The following TACC2 variants were observed in gnomAD, a reference collection of about 807,000 sequenced individuals.
TACC2 encodes transforming acidic coiled-coil containing protein 2.
Under a neutral mutation model 227.3 loss-of-function variants are expected in TACC2, and 137 were observed. The observed-to-expected ratio is 0.60, with a 90% CI of 0.52 to 0.69. The LOEUF (loss-of-function observed/expected upper bound fraction) is 0.69, where lower values mean the gene tolerates loss of function less well. TACC2 is among the 30% of genes least tolerant of loss of function. TACC2 has a pLI of 0.00. For synonymous variants in TACC2, 1,523 were observed against 1,487.5 expected (o/e 1.02, Z -0.55); for missense variants, 3,470 against 3,694.4 (o/e 0.94, Z 1.57).
At position 122,141,307 on chromosome 10, in the gene TACC2, C is replaced by T. The variant is rs1394945413; in HGVS notation, c.5700-2265C>T. Among the ~76,000 whole-genome samples, 1 of 152,146 alleles carries T rather than the reference C, an allele frequency of 6.6e-6. No individual in the cohort carries two copies. The highest frequency in any genetic ancestry group is 2.4e-5 in the African/African-American group (1 of 41,408). ...CCTCGTGGGAGCCTGACCTCCTCGG[C>T]CCCTGGGTATGAGCCAACAGGCGGT... On this transcript the variant is annotated intron_variant, in intron 6 of 22. Transcript: ENST00000369005. This position sits in a 1 kb window ranked among gnomAD's most constrained non-coding sequence, Gnocchi z 4.3.
At chr10:122,047,187 G>A (rs563455626) in intron 2 of TACC2, among the ~76,000 whole-genome samples, 22 of 148,494 alleles carry the variant, frequency 1.5e-4, no homozygotes, top group African/African-American at 5.4e-4. Flanking sequence ...TACTTAGGAG[G>A]CTGAGGCAGG....
In TACC2 at chr10:122,211,176, G is replaced by C. The variant is rs114482287; in HGVS notation, c.6751G>C (p.Gly2251Arg). 1.6e-4 allele frequency: 253 copies of C among 1,612,362 alleles called. 1 individual carries two copies. The African/African-American group carries it at 3.1e-3, about 20-fold the overall frequency. Residue 2251 changes from glycine to arginine, a missense_variant, in exon 9 of 23, where the codon GGG becomes CGG. Coordinates refer to ENST00000369005, the MANE Select transcript of TACC2 (RefSeq NM_206862.4). ...EAGEVTPSDS[G>R]GQEDSPAKGL... ...AGGGGAGGTAACCCCATCGGATAGC[G>C]GGGGGCAAGAGGACTCTCCAGCCAA...
intron 1 of TACC2, among the ~76,000 whole-genome samples, chr10:122,021,622 C>A (rs1391922611): frequency 2.6e-5 from 4 of 152,072 alleles, no homozygotes; most frequent in Non-Finnish European, 5.9e-5. Context: ...GGCAAACGGA[C>A]CCCTTTTGTC....
At position 122,083,338 on chromosome 10, in the gene TACC2, G is replaced by T. The variant is rs1172409444; in HGVS notation, c.838G>T (p.Asp280Tyr). ...AAAACCCATGGCCCCGATCCCACAA[G>T]ATCCAGCCCCAAGAGCCTCAGACAG... The part of the protein sequence containing the change: ...PLKPMAPIPQ[D>Y]PAPRASDRER... The change falls in exon 4 of 23, where the codon GAT (aspartate) becomes TAT (tyrosine). Residue 280 changes from aspartate to tyrosine, a missense_variant. This residue lies in a region of TACC2 where 405 missense variants were observed against 389.6 expected (regional missense o/e 1.04). Transcript: ENST00000369005. 1 of 1,614,020 alleles carries T rather than the reference G, an allele frequency of 6.2e-7. No homozygotes were observed. Among genetic ancestry groups the T allele is most frequent in the East Asian group, 2.2e-5 (1 of 44,866 alleles).
intron 5 of TACC2, among the ~76,000 whole-genome samples, chr10:122,092,780 G>A (rs1381799622): frequency 6.6e-6 from 1 of 152,186 alleles, no homozygotes; most frequent in African/African-American, 2.4e-5. Context: ...AACTCACAAT[G>A]CATAGAAATG....
intron 19 of TACC2, among the ~76,000 whole-genome samples, chr10:122,242,503 C>G (rs2096018679): frequency 6.6e-6 from 1 of 152,212 alleles, no homozygotes; most frequent in South Asian, 2.1e-4. Flanking sequence ...GACCCCAGCA[C>G]TGTTTCTCAC....
rs1046167542 is a variant in TACC2, at chr10:122,086,197, C to T, written c.3697C>T (p.Pro1233Ser). Residue 1233 changes from proline to serine, a missense_variant, in exon 4 of 23, where the codon CCT becomes TCT. Pro to Ser is a moderately conservative substitution (Grantham distance 74, BLOSUM62 -1). Coordinates refer to ENST00000369005, the MANE Select transcript of TACC2 (RefSeq NM_206862.4). ...GTCTGGGCCACCAGAAGTGGCTGCT[C>T]CTGACACCCCTTACCTGCATGTCGA... ...LLSGPPEVAA[P>S]DTPYLHVDSA... is the part of the protein sequence containing the mutation. 2.4e-5 allele frequency: 38 copies of T among 1,613,562 alleles called. No homozygotes were observed. The highest frequency in any genetic ancestry group is 3.1e-5 in the Non-Finnish European group (37 of 1,179,990).
chr10:122,078,328 A>G lies in TACC2; in HGVS notation c.147-4319A>G, dbSNP rs906039398. Among the ~76,000 whole-genome samples the G allele has an allele frequency of 2.0e-5, 3 of 151,644 alleles. No individual in the cohort carries two copies. The East Asian group carries it at 5.8e-4, about 29-fold the overall frequency. ...CCGACTCCTGAAAACCTGGTCGTGCAGGGGCCATGTTTGTGTTTTCTGTAG... is the reference window on the plus strand; with the variant it reads ...CCGACTCCTGAAAACCTGGTCGTGCGGGGGCCATGTTTGTGTTTTCTGTAG... On this transcript the variant is annotated intron_variant, in intron 3 of 22. Transcript: ENST00000369005.
intron 1 of TACC2, among the ~76,000 whole-genome samples, chr10:121,994,038 A>G (rs532931143): frequency 6.6e-6 from 1 of 152,284 alleles, no homozygotes; most frequent in South Asian, 2.1e-4. Flanking sequence ...GTGACGGTAT[A>G]TAAAGAGCTC....
chr10:122,109,259 T>G (rs2083310162), intron 5 of TACC2, among the ~76,000 whole-genome samples: 1 of 152,220 alleles, frequency 6.6e-6, no homozygotes, highest in South Asian at 2.1e-4. Context: ...TGGTTTACAT[T>G]CAAAGTGTTC....
rs556812888 is a variant in TACC2, at chr10:122,028,662, A to G, written c.33+6648A>G. On this transcript the variant is annotated intron_variant, in intron 2 of 22. Transcript: ENST00000369005. ...ATTTTTCTATGTATGTAATCACGTT[A>G]TTTGCAAATAGGGGCTGTTTTATTT... Among the ~76,000 whole-genome samples, 3 of 152,028 alleles carry G rather than the reference A, an allele frequency of 2.0e-5. No homozygotes were observed. In the East Asian group the frequency reaches 5.8e-4, roughly 30 times the overall value.
chr10:122,037,756 C>T (rs769969935), intron 2 of TACC2, among the ~76,000 whole-genome samples: 2 of 152,180 alleles, frequency 1.3e-5, no homozygotes, highest in East Asian at 1.9e-4. Context: ...TCAACAGTCA[C>T]GGCGCCTGAG....
chr10:122,058,866 G>A (rs370376474), intron 3 of TACC2, among the ~76,000 whole-genome samples: 1 of 149,738 alleles, frequency 6.7e-6, no homozygotes, highest in East Asian at 2.0e-4. Context: ...GGCCATGCGT[G>A]AGCCACTGAG....
At chr10:122,188,834 G>A (rs912344793) in intron 7 of TACC2, among the ~76,000 whole-genome samples, 2 of 152,174 alleles carry the variant, frequency 1.3e-5, no homozygotes, top group South Asian at 2.1e-4. Flanking sequence ...TGGGAATCTC[G>A]GGGTAAATGT....
chr10:122,002,245 A>G (rs78113117), intron 1 of TACC2, among the ~76,000 whole-genome samples: 3 of 152,360 alleles, frequency 2.0e-5, no homozygotes, highest in African/African-American at 7.2e-5. Flanking sequence ...CACCTCTCAG[A>G]TGACTCACCT....
intron 1 of TACC2, among the ~76,000 whole-genome samples, chr10:121,999,594 C>T (rs931646699): frequency 2.6e-5 from 4 of 152,322 alleles, no homozygotes; most frequent in East Asian, 3.9e-4. Flanking sequence ...CATTTGTTGG[C>T]GTGCCTCTCT....
intron 16 of TACC2, among the ~76,000 whole-genome samples, chr10:122,235,848 G>A (rs1252313827): frequency 6.6e-6 from 1 of 152,130 alleles, no homozygotes; most frequent in Non-Finnish European, 1.5e-5. Flanking sequence ...ACATGAGCGA[G>A]TCTCTGGGGT....
chr10:122,238,559 C>T (rs1489744201), intron 18 of TACC2, among the ~76,000 whole-genome samples: 1 of 152,264 alleles, frequency 6.6e-6, no homozygotes, highest in Non-Finnish European at 1.5e-5. Context: ...AAGTGATTCT[C>T]CTGCCTCAGC....
intron 15 of TACC2, 106 bp from the exon 16 acceptor site, chr10:122,230,245 C>G: frequency 1.1e-6 from 1 of 899,962 alleles, no homozygotes; most frequent in Non-Finnish European, 1.9e-6. Flanking sequence ...TTCCCGAGTG[C>G]CTGTCATGAC....
Sources: gnomAD v4.1 joint callset for allele counts (sites outside exome capture counted in the v4.1 genomes callset) on GRCh38, gnomAD v4.1.1 for gene constraint, gnomAD v4.1.1 regional missense constraint, Gnocchi (gnomAD v3.1) non-coding constraint, MANE v1.5 for transcripts, NCBI Gene and HGNC (gene_info 2026-07-23, HGNC 2026-07-21) for gene names.